The following PREX2 variants were observed in gnomAD, a reference collection of about 807,000 sequenced individuals.
The protein encoded by PREX2 is phosphatidylinositol-3,4,5-trisphosphate dependent Rac exchange factor 2, also known as phosphatidylinositol 3,4,5-trisphosphate-dependent Rac exchanger 2 protein.
A neutral mutation model predicts 203.2 loss-of-function variants in PREX2; 107 were observed. The observed-to-expected ratio is 0.53, with a 90% CI of 0.45 to 0.62. The LOEUF is 0.62. PREX2 is among the 20% of genes least tolerant of loss of function. The pLI, the probability that PREX2 is intolerant of heterozygous loss-of-function variation, is 0.00. For synonymous variants in PREX2, 672 were observed against 663.6 expected, an observed-to-expected ratio of 1.01 and a Z score of -0.19; for missense variants, 1,777 against 1,955.9, an observed-to-expected ratio of 0.91 and a Z score of 1.72.
chr8:68,020,685 CA>C (rs1336180377), intron 3 of PREX2, among the ~76,000 whole-genome samples: 1 of 152,078 alleles, frequency 6.6e-6, no homozygotes, highest in East Asian at 1.9e-4. Flanking sequence ...AGCTGGAAGC[CA>C]CGGGTGTTTG....
At chr8:67,973,832 C>T (rs907258711) in intron 1 of PREX2, among the ~76,000 whole-genome samples, 4 of 152,088 alleles carry the variant, frequency 2.6e-5, no homozygotes, top group African/African-American at 9.7e-5. Flanking sequence ...GTAGTAGCCC[C>T]AGAACACATG....
At chr8:68,055,345 C>T (rs2129611188) in intron 9 of PREX2, among the ~76,000 whole-genome samples, 1 of 152,352 alleles carries the variant, frequency 6.6e-6, no homozygotes, top group Non-Finnish European at 1.5e-5. Flanking sequence ...TCTGCTTTCT[C>T]TAGAAATCTC....
At chr8:68,073,539 AT>A (rs1289821479) in intron 14 of PREX2, among the ~76,000 whole-genome samples, 1 of 152,130 alleles carries the variant, frequency 6.6e-6, no homozygotes, top group African/African-American at 2.4e-5. Context: ...AGTTAATATT[AT>A]TTTTAGGCTG....
At chr8:68,206,485 A>G (rs1812628736) in intron 37 of PREX2, among the ~76,000 whole-genome samples, 1 of 152,212 alleles carries the variant, frequency 6.6e-6, no homozygotes, top group Non-Finnish European at 1.5e-5. Context: ...AGAGAGAATG[A>G]TAGGGAGGAC....
At chr8:68,186,189 C>A (rs991861360) in intron 35 of PREX2, among the ~76,000 whole-genome samples, 3 of 152,050 alleles carry the variant, frequency 2.0e-5, no homozygotes, top group Non-Finnish European at 4.4e-5. Flanking sequence ...AGTATAAATT[C>A]TTATTTTAAA....
chr8:68,007,740 G>C (rs1451536718), intron 1 of PREX2, among the ~76,000 whole-genome samples: 2 of 152,116 alleles, frequency 1.3e-5, no homozygotes, highest in African/African-American at 2.4e-5. Flanking sequence ...CTCCTGAGTA[G>C]CTGGGACTAC....
At chr8:67,960,042 A>C (rs1348907243) in intron 1 of PREX2, among the ~76,000 whole-genome samples, 1 of 151,490 alleles carries the variant, frequency 6.6e-6, no homozygotes, top group Non-Finnish European at 1.5e-5. Flanking sequence ...CTTTTTAATT[A>C]ATTAATTAAT....
chr8:67,982,189 G>C (rs1806292897), intron 1 of PREX2, among the ~76,000 whole-genome samples: 1 of 152,098 alleles, frequency 6.6e-6, no homozygotes, highest in Non-Finnish European at 1.5e-5. Context: ...CCAACACTTT[G>C]GGAGGCAGGA....
chr8:68,174,040 C>T (rs1811933021), intron 35 of PREX2, among the ~76,000 whole-genome samples: 1 of 152,162 alleles, frequency 6.6e-6, no homozygotes, highest in Non-Finnish European at 1.5e-5. Context: ...CAAGGACAAT[C>T]CATCTTAAAA....
intron 1 of PREX2, among the ~76,000 whole-genome samples, chr8:67,990,201 G>T (rs1806556726): frequency 6.6e-6 from 1 of 152,060 alleles, no homozygotes; most frequent in Admixed American, 6.5e-5. Context: ...GCCCAGGCTG[G>T]TCTTGAACTC....
intron 37 of PREX2, among the ~76,000 whole-genome samples, chr8:68,216,968 CA>C (rs59972334): frequency 0.067 from 7,522 of 112,860 alleles, 387 homozygotes; most frequent in African/African-American, 0.17. Context: ...CTCAAAAAAA[CA>C]AAAAAAAAAA....
At chr8:68,096,422 T>G (rs1455323095) in intron 21 of PREX2, among the ~76,000 whole-genome samples, 1 of 152,194 alleles carries the variant, frequency 6.6e-6, no homozygotes, top group African/African-American at 2.4e-5. Flanking sequence ...TTAGGTATTT[T>G]TCACCAGCTG....
intron 38 of PREX2, among the ~76,000 whole-genome samples, chr8:68,221,038 C>T (rs917369231): frequency 6.6e-5 from 10 of 152,100 alleles, no homozygotes; most frequent in African/African-American, 2.4e-4. Context: ...TTTTGGAGTC[C>T]GCAGTATCTG....
At chr8:67,997,839 C>A (rs1360580957) in intron 1 of PREX2, among the ~76,000 whole-genome samples, 4 of 152,044 alleles carry the variant, frequency 2.6e-5, no homozygotes, top group Non-Finnish European at 1.5e-5. Context: ...ATTTTTCTAT[C>A]ATTTCTTTCT....
chr8:67,961,193 A>G (rs1230215649), intron 1 of PREX2, among the ~76,000 whole-genome samples: 2 of 152,024 alleles, frequency 1.3e-5, no homozygotes, highest in East Asian at 1.9e-4. Context: ...ATATTTTCAT[A>G]CCAAATAAAA....
At chr8:68,185,320 C>T (rs1413217125) in intron 35 of PREX2, among the ~76,000 whole-genome samples, 1 of 152,134 alleles carries the variant, frequency 6.6e-6, no homozygotes, top group Non-Finnish European at 1.5e-5. Context: ...ACTTAGCCAG[C>T]CTTCTCTCTC....
Position 68,030,530 on chromosome 8 carries a change from G to T in PREX2, c.577G>T (p.Asp193Tyr). 1 of 1,613,480 alleles carries T rather than the reference G, an allele frequency of 6.2e-7. No homozygotes were observed. Among genetic ancestry groups the T allele is most frequent in the Non-Finnish European group, 8.5e-7 (1 of 1,179,578 alleles). The change falls in exon 6 of 40, where the codon GAC becomes TAC. Residue 193 changes from aspartate (D) to tyrosine (Y), a missense_variant. Coordinates refer to ENST00000288368, the MANE Select transcript of PREX2 (RefSeq NM_024870.4). ...LLKRTPRKHS[D>Y]YAAVMEALQA... is the part of the protein sequence containing the mutation. ...GAAGCGGACTCCACGGAAACACAGTGACTATGCAGCAGTGATGGAAGCCCT... is the reference window on the plus strand; with the variant it reads ...GAAGCGGACTCCACGGAAACACAGTTACTATGCAGCAGTGATGGAAGCCCT...
At chr8:68,086,101 A>G (rs550611075) in intron 18 of PREX2, among the ~76,000 whole-genome samples, 2 of 152,324 alleles carry the variant, frequency 1.3e-5, no homozygotes, top group African/African-American at 4.8e-5. Context: ...AAGGAAATGA[A>G]TACAGCCCTG....
intron 3 of PREX2, among the ~76,000 whole-genome samples, chr8:68,020,125 C>A (rs2129610236): frequency 6.6e-6 from 1 of 152,168 alleles, no homozygotes; most frequent in East Asian, 1.9e-4. Flanking sequence ...GAATTTTCCC[C>A]AAGGATGGTT....
Sources: allele counts gnomAD v4.1 joint callset (sites outside exome capture counted in the v4.1 genomes callset), GRCh38; gene constraint gnomAD v4.1.1; transcripts MANE v1.5; gene names NCBI Gene and HGNC (gene_info 2026-07-23, HGNC 2026-07-21).